The following SOX5 variants were observed in gnomAD, a reference collection of about 807,000 sequenced individuals.
SOX5 encodes the protein SRY-box transcription factor 5.
SOX5 carries 9 observed loss-of-function variants against 92.0 expected under a neutral mutation model. The observed-to-expected ratio is 0.10, with a 90% CI of 0.06 to 0.17. SOX5 has a LOEUF of 0.17. SOX5 is among the 10% of genes least tolerant of loss of function. The probability of loss-of-function intolerance (pLI) is 1.00; values close to 1 mark genes in which losing one functional copy is unlikely to be tolerated. For missense variants in SOX5, 642 were observed against 944.5 expected (o/e 0.68, Z 4.20); for synonymous variants, 344 against 336.3 (o/e 1.02, Z -0.25).
At chr12:23,880,689 C>T (rs2137105360) in intron 2 of SOX5, among the ~76,000 whole-genome samples, 1 of 152,262 alleles carries the variant, frequency 6.6e-6, no homozygotes, top group Non-Finnish European at 1.5e-5. Flanking sequence ...GCACAACCCC[C>T]TTTCTAGTTT....
chr12:24,330,148 A>T (rs1951140538), intron 2 of SOX5, among the ~76,000 whole-genome samples: 1 of 151,576 alleles, frequency 6.6e-6, no homozygotes, highest in African/African-American at 2.4e-5. Flanking sequence ...ACCTTCAACA[A>T]AAAAGAAGAG....
intron 2 of SOX5, among the ~76,000 whole-genome samples, chr12:24,278,198 A>T (rs1001741033): frequency 2.0e-5 from 3 of 152,286 alleles, no homozygotes; most frequent in Non-Finnish European, 4.4e-5. Context: ...TTTGATCACA[A>T]GGTTTACAGT....
intron 4 of SOX5, among the ~76,000 whole-genome samples, chr12:23,963,588 G>A (rs79127615): frequency 0.048 from 7,252 of 151,972 alleles, 213 homozygotes; most frequent in Middle Eastern, 0.096. Context: ...AGCATTCAGG[G>A]ATATTATCAA....
At chr12:24,104,285 G>A (rs983897275) in intron 4 of SOX5, among the ~76,000 whole-genome samples, 4 of 152,022 alleles carry the variant, frequency 2.6e-5, no homozygotes, top group African/African-American at 9.7e-5. Context: ...ACTAATATTA[G>A]GTTCAATTAT....
chr12:23,776,459 C>T (rs1754503070), intron 3 of SOX5, among the ~76,000 whole-genome samples: 1 of 152,136 alleles, frequency 6.6e-6, no homozygotes, highest in Non-Finnish European at 1.5e-5. Context: ...ACTATAGAAA[C>T]AGAACTTTAG....
intron 4 of SOX5, among the ~76,000 whole-genome samples, chr12:24,066,457 T>C (rs1940763674): frequency 6.6e-6 from 1 of 151,810 alleles, no homozygotes; most frequent in Admixed American, 6.6e-5. Context: ...AGTGTTGAAA[T>C]AATGAGTCCT....
At chr12:23,731,944 C>T (rs2093408880) in intron 6 of SOX5, among the ~76,000 whole-genome samples, 1 of 152,018 alleles carries the variant, frequency 6.6e-6, no homozygotes, top group Non-Finnish European at 1.5e-5. Context: ...ATGTTTATTT[C>T]TACAAGGTAT....
intron 2 of SOX5, among the ~76,000 whole-genome samples, chr12:24,341,512 T>C (rs1344260951): frequency 6.6e-6 from 1 of 152,224 alleles, no homozygotes; most frequent in Non-Finnish European, 1.5e-5. Flanking sequence ...GCTTTATTGA[T>C]TCTTTACTTT....
intron 2 of SOX5, among the ~76,000 whole-genome samples, chr12:24,281,011 A>G (rs111393040): frequency 6.8e-4 from 1 of 1,462 alleles, no homozygotes; most frequent in Non-Finnish European, 0.083. Flanking sequence ...GAGGAAAGAA[A>G]AAAAAAAAAA....
At chr12:23,873,386 T>A (rs2096895015) in intron 2 of SOX5, among the ~76,000 whole-genome samples, 1 of 152,000 alleles carries the variant, frequency 6.6e-6, no homozygotes, top group African/African-American at 2.4e-5. Context: ...GGTGTGAGAA[T>A]CATCTGATCC....
intron 4 of SOX5, among the ~76,000 whole-genome samples, chr12:24,068,739 TATATATATAC>T (rs1412833476): frequency 2.0e-3 from 160 of 79,508 alleles, no homozygotes; most frequent in Middle Eastern, 0.014. Context: ...TATATATATA[TATATATATAC>T]ACACACACAC....
rs150082365 is a variant in SOX5 at position 23,792,822 on chromosome 12, C to T, written c.482-37098G>A. On this transcript the variant is annotated intron_variant, in intron 3 of 14. Transcript: ENST00000451604. ...CTGAGAAGTCTTGCTCTTACTTTTG[C>T]TTTCTTTTCAAAAAATATTTTACTG... Among the ~76,000 whole-genome samples, 1,273 of 151,982 alleles carry T rather than the reference C, an allele frequency of 8.4e-3. 9 individuals are homozygous for T. The highest frequency in any genetic ancestry group is 0.027 in the Middle Eastern group (8 of 294).
chr12:23,578,457 C>T (rs755698302), intron 9 of SOX5, among the ~76,000 whole-genome samples: 6 of 151,290 alleles, frequency 4.0e-5, no homozygotes, highest in African/African-American at 9.7e-5. Flanking sequence ...GCCACTGCCT[C>T]GTATATTAAA....
intron 4 of SOX5, among the ~76,000 whole-genome samples, chr12:24,156,990 T>C (rs1952245430): frequency 6.6e-6 from 1 of 152,148 alleles, no homozygotes; most frequent in African/African-American, 2.4e-5. Context: ...TTGTCCATGA[T>C]GATTACAACT....
intron 4 of SOX5, among the ~76,000 whole-genome samples, chr12:24,030,736 AC>A (rs1278963924): frequency 6.6e-6 from 1 of 151,990 alleles, no homozygotes; most frequent in Admixed American, 6.6e-5. Context: ...AAAGGAAACA[AC>A]CAACAGAGTA....
chr12:23,550,862 T>C (rs1944065307), intron 11 of SOX5, among the ~76,000 whole-genome samples: 1 of 151,930 alleles, frequency 6.6e-6, no homozygotes, highest in African/African-American at 2.4e-5. Flanking sequence ...TACAGAGCAG[T>C]CAAAACAAAA....
intron 3 of SOX5, among the ~76,000 whole-genome samples, chr12:23,825,389 C>T (rs2096211639): frequency 6.6e-6 from 1 of 152,194 alleles, no homozygotes; most frequent in African/African-American, 2.4e-5. Context: ...TCTGCTCACC[C>T]TCCGTGGGGT....
chr12:23,909,013 G>T (rs1193794634), intron 1 of SOX5, among the ~76,000 whole-genome samples: 1 of 151,918 alleles, frequency 6.6e-6, no homozygotes, highest in Non-Finnish European at 1.5e-5. Flanking sequence ...TACTGCCACT[G>T]TGGGCAAGTT....
intron 9 of SOX5, among the ~76,000 whole-genome samples, chr12:23,578,144 A>AAAAAAAAAAAAAAAG (rs1432589481): frequency 3.7e-5 from 5 of 134,980 alleles, no homozygotes; most frequent in Non-Finnish European, 6.5e-5. Flanking sequence ...AAAAAAAAAA[A>AAAAAAAAAAAAAAAG]AAAAAACTAT....
Sources: gnomAD v4.1 joint callset for allele counts (sites outside exome capture counted in the v4.1 genomes callset) on GRCh38, gnomAD v4.1.1 for gene constraint, MANE v1.5 for transcripts, NCBI Gene and HGNC (gene_info 2026-07-23, HGNC 2026-07-21) for gene names.